PLXNA4: variants seen among roughly 807,000 people sequenced by gnomAD.
PLXNA4 encodes the protein plexin-A4.
PLXNA4 carries 44 observed loss-of-function variants against 191.8 expected under a neutral mutation model. The observed-to-expected ratio is 0.23, with a 90% CI of 0.18 to 0.29. The LOEUF is 0.29. PLXNA4 is among the 10% of genes least tolerant of loss of function. The pLI is 1.00. For missense variants in PLXNA4, 1,800 were observed against 2,488.8 expected, an observed-to-expected ratio of 0.72 and a Z score of 5.89; for synonymous variants, 1,082 against 1,009.5, an observed-to-expected ratio of 1.07 and a Z score of -1.36.
At chr7:132,344,524 A>T (rs1803166339) in intron 3 of PLXNA4, among the ~76,000 whole-genome samples, 1 of 152,086 alleles carries the variant, frequency 6.6e-6, no homozygotes, top group Non-Finnish European at 1.5e-5. Context: ...GCACCCAGAA[A>T]TAGTCACTAC....
At chr7:132,377,808 TG>T (rs1181321410) in intron 3 of PLXNA4, among the ~76,000 whole-genome samples, 1 of 152,070 alleles carries the variant, frequency 6.6e-6, no homozygotes, top group African/African-American at 2.4e-5. Context: ...TGCAGAGACC[TG>T]GGGCTGAGGA....
chr7:132,334,424 A>T (rs2116712570), intron 3 of PLXNA4, among the ~76,000 whole-genome samples: 1 of 151,374 alleles, frequency 6.6e-6, no homozygotes, highest in Admixed American at 6.6e-5. Flanking sequence ...CACCCAGCTA[A>T]TTTTTTTATT....
chr7:132,205,800 C>T (rs137918539), intron 10 of PLXNA4, among the ~76,000 whole-genome samples: 5 of 152,302 alleles, frequency 3.3e-5, no homozygotes, highest in African/African-American at 1.2e-4. Flanking sequence ...GGCTTCTGCT[C>T]TCAGGCCTAG....
rs192923010 is a variant in PLXNA4, at chr7:132,461,451, T to C, written c.1371+27841A>G. ...AAAACCAGACACCCCAGTATGTACA[T>C]ACAAGGAGCCCTCCAAAGAGAAAAC... On this transcript the variant is annotated intron_variant, in intron 3 of 31. Transcript: ENST00000321063. 1.5e-3 allele frequency among the ~76,000 whole-genome samples: 231 copies of C among 152,294 alleles called. 1 individual carries two copies. Among genetic ancestry groups the C allele is most frequent in the Non-Finnish European group, 3.0e-3 (201 of 68,026 alleles).
chr7:132,635,735 G>A (rs936020399), intron 2 of PLXNA4, among the ~76,000 whole-genome samples: 2 of 152,080 alleles, frequency 1.3e-5, no homozygotes, highest in African/African-American at 4.8e-5. Context: ...AACAGCAACA[G>A]CATCAGGAAG....
chr7:132,265,477 C>T (rs1040365194), intron 4 of PLXNA4, among the ~76,000 whole-genome samples: 5 of 152,080 alleles, frequency 3.3e-5, no homozygotes, highest in African/African-American at 1.2e-4. Context: ...ATGAATCTAA[C>T]AATTAGGAAT....
chr7:132,535,015 A>G (rs1799774378), intron 1 of PLXNA4, among the ~76,000 whole-genome samples: 1 of 152,244 alleles, frequency 6.6e-6, no homozygotes, highest in South Asian at 2.1e-4. Context: ...TATCAGGAGA[A>G]TATGGATAGA....
chr7:132,482,564 T>C (rs938538797), intron 3 of PLXNA4, among the ~76,000 whole-genome samples: 1 of 152,034 alleles, frequency 6.6e-6, no homozygotes, highest in Non-Finnish European at 1.5e-5. Flanking sequence ...CCACAGAAAC[T>C]GTATGTATGA....
At chr7:132,533,976 C>A (rs1799730931) in intron 1 of PLXNA4, among the ~76,000 whole-genome samples, 1 of 151,690 alleles carries the variant, frequency 6.6e-6, no homozygotes, top group Non-Finnish European at 1.5e-5. Flanking sequence ...AGTCACCAGG[C>A]AACAAAGGCA....
chr7:132,331,597 A>C (rs1802592731), intron 3 of PLXNA4, among the ~76,000 whole-genome samples: 1 of 152,224 alleles, frequency 6.6e-6, no homozygotes, highest in Non-Finnish European at 1.5e-5. Flanking sequence ...TATTAGGTCC[A>C]AGTGAACAGC....
chr7:132,266,972 T>C (rs976982655), intron 4 of PLXNA4, among the ~76,000 whole-genome samples: 4 of 152,192 alleles, frequency 2.6e-5, no homozygotes, highest in Non-Finnish European at 5.9e-5. Context: ...TAGTTTCTCC[T>C]TTTCTAATGC....
intron 4 of PLXNA4, among the ~76,000 whole-genome samples, chr7:132,241,482 C>A (rs1401410714): frequency 6.6e-6 from 1 of 152,192 alleles, no homozygotes; most frequent in African/African-American, 2.4e-5. Flanking sequence ...TCTGAAACCA[C>A]CAAATATCTC....
intron 29 of PLXNA4, among the ~76,000 whole-genome samples, chr7:132,141,932 G>A (rs1442491790): frequency 6.6e-6 from 1 of 152,118 alleles, no homozygotes; most frequent in African/African-American, 2.4e-5. Flanking sequence ...GTTTCATCAT[G>A]TTGGCCAGGC....
rs939440215 is a variant in PLXNA4, at chr7:132,175,037, G to A, written c.3875-117C>T. ...CTAGGAGACATGAGCAATGGACCAC[G>A]ATGGGCGGGAATAACTGGAGAGGCT... On this transcript the variant is annotated intron_variant, in intron 20 of 31. Coordinates refer to ENST00000321063, the MANE Select transcript of PLXNA4 (RefSeq NM_020911.2). The A allele has an allele frequency of 1.7e-5, 25 of 1,459,590 alleles. 1 individual carries two copies. Among genetic ancestry groups the A allele is most frequent in the Admixed American group, 1.3e-4 (6 of 45,710 alleles). 90.4% of individuals were successfully genotyped at this position (1,459,590 alleles called of 1,614,324 possible). A position where few individuals can be genotyped will look rare whatever the true frequency, so the allele number is the denominator to read the frequency against.
chr7:132,164,487 C>A (rs751678), intron 23 of PLXNA4, among the ~76,000 whole-genome samples, 199 bp from the exon 24 acceptor site: 1 of 152,168 alleles, frequency 6.6e-6, no homozygotes. Flanking sequence ...GCTCTTTGGA[C>A]CACAGGGTCT....
intron 1 of PLXNA4, among the ~76,000 whole-genome samples, chr7:132,512,332 G>A (rs1181390022): frequency 1.3e-5 from 2 of 152,190 alleles, no homozygotes; most frequent in Non-Finnish European, 2.9e-5. Flanking sequence ...TGCAAGAGGT[G>A]AGATGAAGAA....
At chr7:132,382,321 A>G (rs1214564923) in intron 3 of PLXNA4, among the ~76,000 whole-genome samples, 2 of 152,070 alleles carry the variant, frequency 1.3e-5, no homozygotes, top group African/African-American at 4.8e-5. Context: ...GCCTGCTTGG[A>G]TAATATTTGA....
At chr7:132,550,994 G>A (rs1272698764) in intron 1 of PLXNA4, among the ~76,000 whole-genome samples, 4 of 152,072 alleles carry the variant, frequency 2.6e-5, no homozygotes, top group Admixed American at 6.6e-5. Context: ...TCGGTCCTCC[G>A]TGCCCCTCAG....
At chr7:132,367,434 G>A (rs115928047) in intron 3 of PLXNA4, among the ~76,000 whole-genome samples, 6,219 of 152,040 alleles carry the variant, frequency 0.041, 158 homozygotes, top group South Asian at 0.048. Context: ...CGGGAGTGAG[G>A]TGGCAGGGAA....
Sources: allele counts gnomAD v4.1 joint callset (sites outside exome capture counted in the v4.1 genomes callset), GRCh38; gene constraint gnomAD v4.1.1; transcripts MANE v1.5; gene names NCBI Gene and HGNC (gene_info 2026-07-23, HGNC 2026-07-21).